MGST1: variants seen among roughly 807,000 people sequenced by gnomAD.
The protein encoded by MGST1 is glutathione S-transferase 12.
Under a neutral mutation model 8.9 loss-of-function variants are expected in MGST1, and 5 were observed. The ratio of observed to expected loss-of-function variants is 0.56; its 90% CI spans 0.29 to 1.19. The LOEUF is 1.19. MGST1 is among the 50% of genes most tolerant of loss of function. The probability of loss-of-function intolerance (pLI) is 0.08; values close to 1 mark genes in which losing one functional copy is unlikely to be tolerated. For missense variants in MGST1, 182 were observed against 187.4 expected, an observed-to-expected ratio of 0.97 and a Z score of 0.17; for synonymous variants, 54 against 67.8, an observed-to-expected ratio of 0.80 and a Z score of 1.00.
At chr12:16,580,888 CTTAT>C (rs746508315) in intron 4 of MGST1, among the ~76,000 whole-genome samples, 153 of 152,192 alleles carry the variant, frequency 1.0e-3, no homozygotes, top group Non-Finnish European at 1.7e-3. Context: ...CTGTTAACAC[CTTAT>C]TTGTTTTAAA....
chr12:16,498,481 G>A (rs1941484204), intron 4 of MGST1, among the ~76,000 whole-genome samples: 1 of 152,168 alleles, frequency 6.6e-6, no homozygotes, highest in Non-Finnish European at 1.5e-5. Context: ...TCCAGGCCAT[G>A]TTCCTACGTG....
At chr12:16,521,382 C>A (rs368352710) in intron 4 of MGST1, among the ~76,000 whole-genome samples, 2 of 152,080 alleles carry the variant, frequency 1.3e-5, no homozygotes, top group South Asian at 4.1e-4. Flanking sequence ...GCAAGAATTT[C>A]ACATAGGCAT....
chr12:16,569,618 A>C (rs77169138), intron 4 of MGST1, among the ~76,000 whole-genome samples: 4,897 of 152,264 alleles, frequency 0.032, 102 homozygotes, highest in Admixed American at 0.072. Flanking sequence ...TGATGAGAAA[A>C]ATATTTCCAG....
At chr12:16,358,095 A>G (rs1939809206) in intron 3 of MGST1, among the ~76,000 whole-genome samples, 1 of 152,158 alleles carries the variant, frequency 6.6e-6, no homozygotes, top group Non-Finnish European at 1.5e-5. Flanking sequence ...GAATGTTGAC[A>G]CTCTGGAGGA....
intron 1 of MGST1, among the ~76,000 whole-genome samples, chr12:16,397,474 G>A (rs1940614838): frequency 6.6e-6 from 1 of 152,064 alleles, no homozygotes. Flanking sequence ...GGAACAGTCA[G>A]CAGAGTAAAC....
chr12:16,467,254 C>CA (rs531767788), intron 4 of MGST1, among the ~76,000 whole-genome samples: 415 of 152,230 alleles, frequency 2.7e-3, no homozygotes, highest in Middle Eastern at 6.8e-3. Context: ...ATTTATTATA[C>CA]AAAAATCAGA....
chr12:16,574,909 C>T (rs570842329), intron 4 of MGST1, among the ~76,000 whole-genome samples: 2 of 152,078 alleles, frequency 1.3e-5, no homozygotes, highest in South Asian at 2.1e-4. Flanking sequence ...TGGCCGAGTC[C>T]GAGTCTATGT....
chr12:16,358,607 C>T (rs1334568713), intron 3 of MGST1, among the ~76,000 whole-genome samples: 3 of 151,752 alleles, frequency 2.0e-5, no homozygotes, highest in Admixed American at 6.6e-5. Flanking sequence ...GCTGGGACTA[C>T]AGGCATGTGC....
At chr12:16,501,252 A>C (rs1277294393) in intron 4 of MGST1, among the ~76,000 whole-genome samples, 1 of 152,202 alleles carries the variant, frequency 6.6e-6, no homozygotes, top group African/African-American at 2.4e-5. Flanking sequence ...TAGGTTTCTA[A>C]AGCACTGCAT....
intron 3 of MGST1, among the ~76,000 whole-genome samples, chr12:16,373,464 A>C (rs988434700): frequency 2.0e-5 from 3 of 152,096 alleles, no homozygotes; most frequent in African/African-American, 7.2e-5. Flanking sequence ...TACCCCAATT[A>C]ACTTGATTAG....
intron 1 of MGST1, among the ~76,000 whole-genome samples, chr12:16,433,273 A>G (rs1056516945): frequency 1.3e-5 from 2 of 151,984 alleles, no homozygotes; most frequent in African/African-American, 4.8e-5. Context: ...GCCCACCCAG[A>G]CTGAGGGTGG....
chr12:16,380,089 A>T (rs1940434731), downstream of MGST1, among the ~76,000 whole-genome samples: 1 of 152,100 alleles, frequency 6.6e-6, no homozygotes, highest in Non-Finnish European at 1.5e-5. Context: ...TTTTCAAAAA[A>T]CCAGCTCCTG....
rs142197278 is a variant in MGST1, at chr12:16,483,749, T to G, written n.482+100145T>G. ...GACTAAAAAGTATATATTGTCAATTTCATTATCATAATGGGAGATTTTAAT... is the reference window on the plus strand; with the variant it reads ...GACTAAAAAGTATATATTGTCAATTGCATTATCATAATGGGAGATTTTAAT... On this transcript the variant is annotated intron_variant and non_coding_transcript_variant, in intron 4 of 4. Coordinates refer to the MGST1 transcript ENST00000538857. Among the ~76,000 whole-genome samples, 194 of 152,318 alleles carry G rather than the reference T, an allele frequency of 1.3e-3. 4 individuals are homozygous for G. In the East Asian group the frequency reaches 0.031, roughly 25 times the overall value.
At position 16,363,875 on chromosome 12, in the gene MGST1, C is replaced by T; in HGVS notation, c.302C>T (p.Ser101Phe). The T allele has an allele frequency of 6.2e-7, 1 of 1,613,944 alleles. No homozygotes were observed. The highest frequency in any genetic ancestry group is 8.5e-7 in the Non-Finnish European group (1 of 1,179,874). Residue 101 changes from serine to phenylalanine, a missense_variant, in exon 4 of 4, where the codon TCT becomes TTT. Coordinates refer to ENST00000396210, the MANE Select transcript of MGST1 (RefSeq NM_020300.5). The surrounding 1 kb of genome is among the most constrained non-coding windows in gnomAD (Gnocchi z 4.6). ...LLYSLSGPDP[S>F]TAILHFRLFV... ...TATTCCTTGAGTGGTCCCGACCCCT[C>T]TACAGCCATCCTGCACTTCAGACTA...
intron 4 of MGST1, chr12:16,514,078 G>C: frequency 2.7e-6 from 1 of 376,152 alleles, no homozygotes; most frequent in Non-Finnish European, 5.2e-6. Context: ...AGCAACAGTG[G>C]TGAAGAAAAC....
In MGST1 at chr12:16,588,548, C is replaced by A. The variant is rs143008455; in HGVS notation, n.483-980C>A. 1.3e-3 allele frequency among the ~76,000 whole-genome samples: 196 copies of A among 152,160 alleles called. 2 individuals are homozygous for A. The East Asian group carries it at 0.029, about 23-fold the overall frequency. On this transcript the variant is annotated intron_variant and non_coding_transcript_variant, in intron 4 of 4. Transcript: ENST00000538857. The stretch of plus-strand genomic sequence containing the variant: ...TATAAGGTATTTTAGAAAACTATCA[C>A]CTCAGTTACAAAGGAAATAGAATTT...
chr12:16,402,809 T>A (rs1940668685), intron 1 of MGST1, among the ~76,000 whole-genome samples: 2 of 151,758 alleles, frequency 1.3e-5, no homozygotes, highest in South Asian at 4.1e-4. Context: ...CTTCATTATA[T>A]AGGTGTTCTT....
At chr12:16,557,726 A>C (rs1044094027) in intron 4 of MGST1, among the ~76,000 whole-genome samples, 20 of 152,158 alleles carry the variant, frequency 1.3e-4, no homozygotes, top group East Asian at 5.8e-4. Context: ...ATTTAACATA[A>C]ATTATTTTAT....
intron 4 of MGST1, among the ~76,000 whole-genome samples, chr12:16,514,726 G>A (rs1306431525): frequency 1.3e-5 from 2 of 151,654 alleles, no homozygotes; most frequent in Non-Finnish European, 2.9e-5. Flanking sequence ...TCTGCTACTG[G>A]GAGCTTCACA....
Sources: gnomAD v4.1 joint callset for allele counts (sites outside exome capture counted in the v4.1 genomes callset) on GRCh38, gnomAD v4.1.1 for gene constraint, Gnocchi (gnomAD v3.1) non-coding constraint, MANE v1.5 for transcripts, NCBI Gene and HGNC (gene_info 2026-07-23, HGNC 2026-07-21) for gene names.